The following FGF14 variants were observed in gnomAD, a reference collection of about 807,000 sequenced individuals.
FGF14 encodes the protein fibroblast growth factor 14, also known as fibroblast growth factor homologous factor 4.
A neutral mutation model predicts 25.5 loss-of-function variants in FGF14; 5 were observed. The ratio of observed to expected loss-of-function variants is 0.20; its 90% CI spans 0.10 to 0.41. FGF14 has a LOEUF of 0.41. FGF14 is among the 10% of genes least tolerant of loss of function. The pLI, the probability that FGF14 is intolerant of heterozygous loss-of-function variation, is 1.00. For synonymous variants in FGF14, 138 were observed against 118.3 expected (o/e 1.17, Z -1.08); for missense variants, 222 against 320.1 (o/e 0.69, Z 2.34).
intron 3 of FGF14, among the ~76,000 whole-genome samples, chr13:101,754,734 G>GA (rs1194795412): frequency 6.6e-6 from 1 of 151,762 alleles, no homozygotes; most frequent in African/African-American, 2.4e-5. Flanking sequence ...ATAACAAAAA[G>GA]AAAAAAATAA....
At chr13:102,251,188 G>A (rs940381146) in intron 1 of FGF14, among the ~76,000 whole-genome samples, 1 of 152,084 alleles carries the variant, frequency 6.6e-6, no homozygotes, top group South Asian at 2.1e-4. Flanking sequence ...ACTACTCATT[G>A]GTATGGTATC....
intron 1 of FGF14, among the ~76,000 whole-genome samples, chr13:101,880,215 A>C (rs1048955777): frequency 3.3e-5 from 5 of 152,100 alleles, no homozygotes; most frequent in Non-Finnish European, 7.4e-5. Flanking sequence ...ATAGCTCTCC[A>C]CCACTTCTCT....
chr13:102,377,001 C>G (rs891668086), intron 1 of FGF14, among the ~76,000 whole-genome samples: 6 of 152,094 alleles, frequency 3.9e-5, no homozygotes, highest in African/African-American at 1.2e-4. Context: ...CCACCCAAGA[C>G]AGGATGCTTA....
At chr13:101,943,625 T>G (rs2035590867) in intron 1 of FGF14, among the ~76,000 whole-genome samples, 1 of 152,074 alleles carries the variant, frequency 6.6e-6, no homozygotes, top group Non-Finnish European at 1.5e-5. Context: ...ACTTACCCGC[T>G]GCATGCATTC....
chr13:101,890,227 C>T (rs1258002785), intron 1 of FGF14, among the ~76,000 whole-genome samples: 2 of 152,110 alleles, frequency 1.3e-5, no homozygotes, highest in Non-Finnish European at 2.9e-5. Context: ...TATTTCAGAG[C>T]CTTGCTGAGG....
intron 1 of FGF14, among the ~76,000 whole-genome samples, chr13:102,033,060 G>A (rs1029776612): frequency 6.6e-6 from 1 of 152,036 alleles, no homozygotes; most frequent in African/African-American, 2.4e-5. Context: ...CAAGAAAAAT[G>A]CCTTGAAATA....
Position 101,739,746 on chromosome 13 carries a change from G to A in FGF14, c.409-12936C>T, listed in dbSNP as rs578227066. Among the ~76,000 whole-genome samples, 3 of 152,246 alleles carry A rather than the reference G, an allele frequency of 2.0e-5. No homozygotes were observed. In the South Asian group the frequency reaches 6.2e-4, roughly 32 times the overall value. On this transcript the variant is annotated intron_variant, in intron 3 of 4. Coordinates refer to ENST00000376143, the MANE Select transcript of FGF14 (RefSeq NM_004115.4). ...AACCAGTGGTCACATTAAGGGTGAG[G>A]GAAGAGAGAGACGCTCTCATATTGT...
At chr13:101,831,430 C>T (rs575188132) in intron 3 of FGF14, among the ~76,000 whole-genome samples, 1 of 152,022 alleles carries the variant, frequency 6.6e-6, no homozygotes, top group East Asian at 1.9e-4. Flanking sequence ...ATATTCCATT[C>T]AATTTCATCT....
chr13:102,161,579 A>G (rs1461548497), intron 1 of FGF14, among the ~76,000 whole-genome samples: 16 of 2,504 alleles, frequency 6.4e-3, no homozygotes, highest in South Asian at 0.015. Context: ...GAAAGAAAGA[A>G]GAAGAAGAAG....
At chr13:101,807,473 A>G (rs998124611) in intron 3 of FGF14, among the ~76,000 whole-genome samples, 1 of 152,110 alleles carries the variant, frequency 6.6e-6, no homozygotes, top group East Asian at 1.9e-4. Flanking sequence ...GCAATATGAT[A>G]TATGTATTCA....
At chr13:101,842,020 T>A (rs2043220329) in intron 3 of FGF14, among the ~76,000 whole-genome samples, 1 of 152,044 alleles carries the variant, frequency 6.6e-6, no homozygotes, top group African/African-American at 2.4e-5. Flanking sequence ...TAAAATATTT[T>A]AAATTTTCTT....
At chr13:101,838,311 G>A (rs958469882) in intron 3 of FGF14, among the ~76,000 whole-genome samples, 20 of 151,748 alleles carry the variant, frequency 1.3e-4, no homozygotes, top group Admixed American at 5.9e-4. Flanking sequence ...CCTCGGTTTC[G>A]TTCTGTGATG....
rs368983752 is a variant in FGF14, at chr13:102,358,855, C to T, written c.208+42616G>A. On this transcript the variant is annotated intron_variant, in intron 1 of 4. Coordinates refer to the FGF14 transcript ENST00000376131. ...TTCAGATAAGATTTATAATCTGATA[C>T]GTGCCAGCCACAAGGAAAATGTGCA... is the stretch of plus-strand genomic sequence containing the variant. 6.2e-4 allele frequency among the ~76,000 whole-genome samples: 95 copies of T among 152,152 alleles called. 1 individual carries two copies. Among genetic ancestry groups the T allele is most frequent in the African/African-American group, 2.0e-3 (84 of 41,502 alleles).
At chr13:101,727,059 CTA>C (rs1260257032) in intron 3 of FGF14, among the ~76,000 whole-genome samples, 1 of 151,984 alleles carries the variant, frequency 6.6e-6, no homozygotes, top group African/African-American at 2.4e-5. Flanking sequence ...CATGAGCAAA[CTA>C]AAGATTTAAC....
At chr13:101,767,180 T>C (rs1470714674) in intron 3 of FGF14, among the ~76,000 whole-genome samples, 2 of 152,210 alleles carry the variant, frequency 1.3e-5, no homozygotes, top group African/African-American at 4.8e-5. Flanking sequence ...TATGTGATGA[T>C]GAATTAATAT....
chr13:102,368,124 G>C (rs1038020906), intron 1 of FGF14: 1 of 152,134 alleles, frequency 6.6e-6, no homozygotes, highest in East Asian at 1.9e-4. Context: ...CTTTGTGTGA[G>C]CGAAAAATAA....
In FGF14 at chr13:102,059,440, T is replaced by C. The variant is rs866171245; in HGVS notation, c.209-184144A>G. Among the ~76,000 whole-genome samples the C allele has an allele frequency of 3.3e-5, 5 of 152,206 alleles. No homozygotes were observed. The South Asian group carries it at 8.3e-4, about 25-fold the overall frequency. ...CTCACATGCTTTCTCAATAGCCAGC[T>C]TGGAGTATAGTTGTATAAAAAGCAA... On this transcript the variant is annotated intron_variant, in intron 1 of 4. Transcript: ENST00000376131.
At chr13:101,927,746 C>A (rs75248347) in intron 1 of FGF14, among the ~76,000 whole-genome samples, 81 of 152,182 alleles carry the variant, frequency 5.3e-4, no homozygotes, top group African/African-American at 1.8e-3. Context: ...CCTGCCTCTC[C>A]GGGGATCATT....
At chr13:102,344,313 T>C (rs1029980886) in intron 1 of FGF14, among the ~76,000 whole-genome samples, 2 of 152,232 alleles carry the variant, frequency 1.3e-5, no homozygotes, top group African/African-American at 4.8e-5. Context: ...TGAATTAAAA[T>C]AGAACTGCTT....
Sources: allele counts gnomAD v4.1 joint callset (sites outside exome capture counted in the v4.1 genomes callset), GRCh38; gene constraint gnomAD v4.1.1; transcripts MANE v1.5; gene names NCBI Gene and HGNC (gene_info 2026-07-23, HGNC 2026-07-21).